Variants in SHB observed in about 807,000 individuals in gnomAD.
SHB encodes the protein SH2 domain containing adaptor protein B, also known as SH2 domain-containing adapter protein B.
A neutral mutation model predicts 52.3 loss-of-function variants in SHB; 20 were observed. That is an observed-to-expected ratio of 0.38 (90% CI 0.27 to 0.56). The LOEUF (loss-of-function observed/expected upper bound fraction) is 0.56, where lower values mean the gene tolerates loss of function less well. Among genes scored for constraint, SHB ranks in the 20% least tolerant of loss-of-function variants. The probability of loss-of-function intolerance (pLI) is 0.71; values close to 1 mark genes in which losing one functional copy is unlikely to be tolerated. For synonymous variants in SHB, 397 were observed against 316.5 expected, an observed-to-expected ratio of 1.25 and a Z score of -2.70; for missense variants, 825 against 723.3, an observed-to-expected ratio of 1.14 and a Z score of -1.61.
chr9:37,998,925 A>G (rs1037489176), intron 2 of SHB, among the ~76,000 whole-genome samples: 2 of 152,240 alleles, frequency 1.3e-5, no homozygotes, highest in Non-Finnish European at 2.9e-5. Flanking sequence ...GCTCTGTGCT[A>G]GGCTCTGGGG....
rs773941635 is a variant in SHB, at chr9:38,041,381, T to C, written c.718-25250A>G. Among the ~76,000 whole-genome samples the C allele has an allele frequency of 9.5e-4, 144 of 152,142 alleles. 1 individual carries two copies. The highest frequency in any genetic ancestry group is 1.9e-3 in the Non-Finnish European group (130 of 68,002). ...CCACTATGACATGAGATGGGCCAGG[T>C]AGTCACAAGCAAGGCCCAGGCATGA... On this transcript the variant is annotated intron_variant, in intron 1 of 5. Coordinates refer to ENST00000377707, the MANE Select transcript of SHB (RefSeq NM_003028.3).
Position 37,916,148 on chromosome 9 carries a change from G to A in SHB, c.*3673C>T, listed in dbSNP as rs573122336. On this transcript the variant is annotated 3_prime_UTR_variant, in exon 6 of 6. Transcript: ENST00000377707. The stretch of plus-strand genomic sequence containing the variant: ...GTCCCCGTGGGGTTCTGGGAGGTGC[G>A]CCCACATCTAAGACTGTGCGCCCTG... Among the ~76,000 whole-genome samples, 3 of 152,322 alleles carry A rather than the reference G, an allele frequency of 2.0e-5. No homozygotes were observed. Among genetic ancestry groups the A allele is most frequent in the South Asian group, 2.1e-4 (1 of 4,828 alleles).
At chr9:37,932,190 G>C (rs1832319147) in intron 5 of SHB, among the ~76,000 whole-genome samples, 1 of 140,260 alleles carries the variant, frequency 7.1e-6, no homozygotes, top group Non-Finnish European at 1.5e-5. Flanking sequence ...GCTGAGGCTA[G>C]AGAATCACTT....
chr9:38,034,404 C>G (rs1434665759), intron 1 of SHB, among the ~76,000 whole-genome samples: 1 of 152,202 alleles, frequency 6.6e-6, no homozygotes, highest in Non-Finnish European at 1.5e-5. Flanking sequence ...TCTCCCTCTA[C>G]TCTGTACAAC....
intron 1 of SHB, among the ~76,000 whole-genome samples, chr9:38,040,430 ATG>A (rs1046736198): frequency 1.3e-5 from 2 of 152,198 alleles, no homozygotes; most frequent in African/African-American, 4.8e-5. Flanking sequence ...CTCCCCAGAC[ATG>A]TGTCGGCACC....
At chr9:38,059,230 G>A (rs973091457) in intron 1 of SHB, among the ~76,000 whole-genome samples, 24 of 151,380 alleles carry the variant, frequency 1.6e-4, no homozygotes, top group African/African-American at 5.3e-4. Flanking sequence ...CAGGGAATTC[G>A]CTTCCCCCAC....
chr9:37,994,355 C>G (rs1820922228), intron 2 of SHB, among the ~76,000 whole-genome samples: 2 of 152,208 alleles, frequency 1.3e-5, no homozygotes. Flanking sequence ...CTGTCCCATC[C>G]CTCATTCCAA....
In SHB at chr9:38,068,049, G is replaced by C. The variant is rs780005330; in HGVS notation, c.597C>G (p.Pro199=). ...ESAAGGGAGD[P]LGGACAGGRT... The stretch of plus-strand genomic sequence containing the variant: ...GGCCGCCCGCGCAGGCGCCCCCCAG[G>C]GGGTCCCCGGCCCCACCGCCCGCGG... The change falls in exon 1 of 6, where the codon CCC becomes CCG. Residue 199 remains proline, a synonymous_variant. Transcript: ENST00000377707. 6.7e-7 allele frequency: 1 copy of C among 1,501,720 alleles called. No homozygotes were observed. Among genetic ancestry groups the C allele is most frequent in the African/African-American group, 1.4e-5 (1 of 69,338 alleles). The allele number at this position is 1,501,720 out of a possible 1,614,324, so 93.0% of individuals were successfully genotyped here.
At chr9:37,986,971 G>T (rs1820815678) in intron 2 of SHB, among the ~76,000 whole-genome samples, 2 of 152,256 alleles carry the variant, frequency 1.3e-5, no homozygotes, top group Admixed American at 6.5e-5. Flanking sequence ...TGCCTCCAGA[G>T]AGGCCTGGGG....
intron 2 of SHB, among the ~76,000 whole-genome samples, chr9:37,984,293 G>A (rs898108782): frequency 6.6e-6 from 1 of 152,206 alleles, no homozygotes; most frequent in Non-Finnish European, 1.5e-5. Flanking sequence ...GGGAACGGGA[G>A]GGTCCCAATA....
intron 5 of SHB, among the ~76,000 whole-genome samples, chr9:37,928,172 CAA>C (rs1470855481): frequency 6.6e-6 from 1 of 152,198 alleles, no homozygotes; most frequent in Non-Finnish European, 1.5e-5. Flanking sequence ...GCTGAGTTCT[CAA>C]GTCAGTGACG....
chr9:37,919,804 G>T lies in SHB; in HGVS notation c.*17C>A, dbSNP rs202199096. 6.2e-7 allele frequency: 1 copy of T among 1,609,418 alleles called. No individual in the cohort carries two copies. The highest frequency in any genetic ancestry group is 1.1e-5 in the South Asian group (1 of 90,904). On this transcript the variant is annotated 3_prime_UTR_variant, in exon 6 of 6. Coordinates refer to ENST00000377707, the MANE Select transcript of SHB (RefSeq NM_003028.3). ...AAGTCTCAGGCTCTGTCACAGAGCA[G>T]GGCAGGTCTGGTCCGCTCACAGGGT...
At chr9:37,979,387 G>C (rs922638390) in intron 2 of SHB, among the ~76,000 whole-genome samples, 1 of 152,154 alleles carries the variant, frequency 6.6e-6, no homozygotes, top group African/African-American at 2.4e-5. Context: ...TGTTAGAACT[G>C]AAAGGGACCC....
chr9:38,019,461 A>G (rs7034351), intron 1 of SHB, among the ~76,000 whole-genome samples: 76,923 of 152,072 alleles, frequency 0.51, 19,518 homozygotes, highest in Middle Eastern at 0.58. Context: ...TTTATCTTAG[A>G]AACTTCACTT....
chr9:37,931,646 T>C (rs968897328), intron 5 of SHB, among the ~76,000 whole-genome samples: 5 of 152,200 alleles, frequency 3.3e-5, no homozygotes, highest in South Asian at 4.1e-4. Flanking sequence ...TTGGTGGGAA[T>C]GTAGATTGGT....
intron 2 of SHB, among the ~76,000 whole-genome samples, chr9:37,975,068 C>T (rs180855570): frequency 6.6e-6 from 1 of 152,310 alleles, no homozygotes; most frequent in Admixed American, 6.5e-5. Context: ...CTAATGACAG[C>T]CCTGCCTCCA....
In SHB at chr9:38,055,441, G is replaced by A. The variant is rs189956517; in HGVS notation, c.717+12488C>T. 5.1e-4 allele frequency among the ~76,000 whole-genome samples: 78 copies of A among 152,254 alleles called. 1 individual carries two copies. The East Asian group carries it at 0.011, about 21-fold the overall frequency. ...CCTGGGTTGATGGTGGGCCGAAAAC[G>A]GTGGGGTGCAGAGGAAGAACCTGGT... On this transcript the variant is annotated intron_variant, in intron 1 of 5. Transcript: ENST00000377707.
intron 3 of SHB, 102 bp downstream of exon 3, chr9:37,974,517 GATT>G: frequency 1.1e-6 from 1 of 945,620 alleles, no homozygotes; most frequent in Non-Finnish European, 1.6e-6. Context: ...CACCCAACTG[GATT>G]ATTAAACAAC....
intron 2 of SHB, among the ~76,000 whole-genome samples, chr9:38,009,125 T>C (rs773195079): frequency 1.8e-4 from 28 of 152,338 alleles, no homozygotes; most frequent in Non-Finnish European, 3.1e-4. Flanking sequence ...AGGCTCCTTT[T>C]TCTGAGAAGC....
Sources: allele counts gnomAD v4.1 joint callset (sites outside exome capture counted in the v4.1 genomes callset), GRCh38; gene constraint gnomAD v4.1.1; transcripts MANE v1.5; gene names NCBI Gene and HGNC (gene_info 2026-07-23, HGNC 2026-07-21).